SEC31A: variants seen among roughly 807,000 people sequenced by gnomAD.
The protein encoded by SEC31A is protein transport protein Sec31A.
Under a neutral mutation model 151.0 loss-of-function variants are expected in SEC31A, and 70 were observed. That is an observed-to-expected ratio of 0.46 (90% CI 0.38 to 0.57). The LOEUF (loss-of-function observed/expected upper bound fraction) is 0.57, where lower values mean the gene tolerates loss of function less well. SEC31A is among the 20% of genes least tolerant of loss of function. The pLI, the probability that SEC31A is intolerant of heterozygous loss-of-function variation, is 0.00. For missense variants in SEC31A, 1,330 were observed against 1,471.2 expected (o/e 0.90, Z 1.57); for synonymous variants, 475 against 505.9 (o/e 0.94, Z 0.82).
intron 1 of SEC31A, among the ~76,000 whole-genome samples, chr4:82,890,273 C>A (rs1386528551): frequency 1.4e-5 from 2 of 146,172 alleles, no homozygotes; most frequent in East Asian, 4.0e-4. Flanking sequence ...GTACAGAAAA[C>A]GCAGGACGCT....
At chr4:82,877,273 G>A (rs910883696) in intron 4 of SEC31A, among the ~76,000 whole-genome samples, 1 of 151,778 alleles carries the variant, frequency 6.6e-6, no homozygotes, top group African/African-American at 2.4e-5. Flanking sequence ...TTGGGTTTCT[G>A]TATTGCTATA....
chr4:82,857,385 G>A (rs1256123659), intron 15 of SEC31A, among the ~76,000 whole-genome samples: 1 of 152,170 alleles, frequency 6.6e-6, no homozygotes, highest in Non-Finnish European at 1.5e-5. Flanking sequence ...TCACCTAGGT[G>A]TCTGAACACA....
intron 1 of SEC31A, among the ~76,000 whole-genome samples, chr4:82,890,317 G>A (rs533919621): frequency 6.6e-6 from 1 of 151,512 alleles, no homozygotes; most frequent in African/African-American, 2.4e-5. Context: ...ATTAAATACA[G>A]TTATAACTGC....
chr4:82,857,750 T>C lies in SEC31A; in HGVS notation c.1641A>G (p.Glu547=), dbSNP rs1223549721. The change falls in exon 15 of 27, where the codon GAA becomes GAG. Residue 547 remains glutamate, a synonymous_variant. Transcript: ENST00000395310. ...EQLLGEHIKE[E]KEESEFLPSS... is the part of the protein sequence containing the mutation. ...AGGGTAGAAATTCAGATTCTTCTTT[T>C]TCCTCTTTAATGTGCTAAAGAGATG... is the stretch of plus-strand genomic sequence containing the variant. 1.3e-6 allele frequency: 2 copies of C among 1,599,484 alleles called. No individual in the cohort carries two copies. The highest frequency in any genetic ancestry group is 2.7e-5 in the African/African-American group (2 of 74,564).
intron 22 of SEC31A, among the ~76,000 whole-genome samples, chr4:82,831,633 T>A (rs1009221854): frequency 6.6e-6 from 1 of 152,178 alleles, no homozygotes; most frequent in Non-Finnish European, 1.5e-5. Context: ...CTTAGCACAG[T>A]GGTATCATTT....
intron 10 of SEC31A, among the ~76,000 whole-genome samples, chr4:82,866,127 G>A (rs1735326038): frequency 6.6e-6 from 1 of 151,458 alleles, no homozygotes; most frequent in African/African-American, 2.4e-5. Context: ...GGGAAAGAGA[G>A]ACAGAGGGAG....
rs898621217 is a variant in SEC31A, at chr4:82,871,703, G to A, written c.782+241C>T. Reference sequence around the variant, plus strand: ...AAAACTATAAAAATTTCCTGGCATGGTGGCTTGCGCCTGTAATCCCAGCTA... The same window carrying A: ...AAAACTATAAAAATTTCCTGGCATGATGGCTTGCGCCTGTAATCCCAGCTA... On this transcript the variant is annotated intron_variant, in intron 7 of 26. Transcript: ENST00000395310. 1.1e-5 allele frequency: 6 copies of A among 537,968 alleles called. No homozygotes were observed. The African/African-American group carries it at 1.1e-4, about 10-fold the overall frequency. 33.3% of individuals were successfully genotyped at this position (537,968 alleles called of 1,614,324 possible).
chr4:82,879,903 A>G (rs1738891389), intron 3 of SEC31A, among the ~76,000 whole-genome samples: 1 of 152,242 alleles, frequency 6.6e-6, no homozygotes, highest in African/African-American at 2.4e-5. Flanking sequence ...GTAACAGAAG[A>G]AAATAAAAAT....
In SEC31A at chr4:82,861,614, G is replaced by C; in HGVS notation, c.1626+17C>G. The C allele has an allele frequency of 1.3e-6, 2 of 1,520,718 alleles. No individual in the cohort carries two copies. The highest frequency in any genetic ancestry group is 1.8e-6 in the Non-Finnish European group (2 of 1,108,670). 94.2% of individuals were successfully genotyped at this position (1,520,718 alleles called of 1,614,324 possible). A position where few individuals can be genotyped will look rare whatever the true frequency, so the allele number is the denominator to read the frequency against. On this transcript the variant is annotated intron_variant, in intron 14 of 26. Coordinates refer to ENST00000395310, the MANE Select transcript of SEC31A (RefSeq NM_001077207.4). ...ATCACAAATTTGTCCAATATAATATGAAAAAAAAATAAGTACCTCTCCCAA... is the reference window on the plus strand; with the variant it reads ...ATCACAAATTTGTCCAATATAATATCAAAAAAAAATAAGTACCTCTCCCAA...
chr4:82,874,115 T>C (rs1560652708), intron 6 of SEC31A, among the ~76,000 whole-genome samples: 1 of 152,066 alleles, frequency 6.6e-6, no homozygotes, highest in Non-Finnish European at 1.5e-5. Flanking sequence ...CAGACCAACA[T>C]GGTGAAACCC....
Position 82,827,465 on chromosome 4 carries a change from G to T in SEC31A, c.3195C>A (p.Gly1065=). 6.2e-7 allele frequency: 1 copy of T among 1,614,204 alleles called. No individual in the cohort carries two copies. The highest frequency in any genetic ancestry group is 8.5e-7 in the Non-Finnish European group (1 of 1,180,036). The change falls in exon 24 of 27, where the codon GGC becomes GGA. Residue 1065 remains glycine (G), a synonymous_variant. Coordinates refer to ENST00000395310, the MANE Select transcript of SEC31A (RefSeq NM_001077207.4). ...CTGTTTGACCAAGAGGTTGCTGTAC[G>T]CCATGGAAGGGCTGGCCACCTGGAA... ...PHLPGGQPFH[G]VQQPLGQTGM...
chr4:82,874,831 T>C, intron 5 of SEC31A, 80 bp from the exon 6 acceptor site: 1 of 1,513,938 alleles, frequency 6.6e-7, no homozygotes, highest in Admixed American at 2.3e-5. Flanking sequence ...GATCCTTCAT[T>C]TTGAAAAGTG....
chr4:82,847,748 ACT>A (rs546483281), intron 20 of SEC31A, among the ~76,000 whole-genome samples: 244 of 152,168 alleles, frequency 1.6e-3, no homozygotes, highest in African/African-American at 5.6e-3. Context: ...GGGGGAATTT[ACT>A]CTGTTTTGTT....
At position 82,827,426 on chromosome 4, in the gene SEC31A, A is replaced by C; in HGVS notation, c.3234T>G (p.Ser1078=). The change falls in exon 24 of 27, where the codon TCT becomes TCG. Residue 1078 remains serine (S), a synonymous_variant. Coordinates refer to ENST00000395310, the MANE Select transcript of SEC31A (RefSeq NM_001077207.4). ...CACCTTCAATATTGGGCTTTGAAAA[A>C]GATGGTGGCATGCCTGTTTGACCAA... The part of the protein sequence containing the change: ...QPLGQTGMPP[S]FSKPNIEGAP... The C allele has an allele frequency of 1.2e-6, 2 of 1,614,238 alleles. No homozygotes were observed. The highest frequency in any genetic ancestry group is 1.7e-6 in the Non-Finnish European group (2 of 1,180,036).
chr4:82,888,795 T>G (rs1029005008), intron 1 of SEC31A, among the ~76,000 whole-genome samples: 10 of 152,190 alleles, frequency 6.6e-5, no homozygotes, highest in Non-Finnish European at 1.0e-4. Context: ...TTCAATTAGG[T>G]GGAAACTTTT....
At chr4:82,899,842 C>T (rs900935569) in intron 2 of SEC31A, 1 of 152,588 alleles carries the variant, frequency 6.6e-6, no homozygotes. Flanking sequence ...GTTGCAAACC[C>T]TTCTCTGTTT....
chr4:82,866,783 G>A (rs1051339526), intron 10 of SEC31A, 25 bp downstream of exon 10: 14 of 1,592,210 alleles, frequency 8.8e-6, no homozygotes, highest in Non-Finnish European at 1.0e-5. Context: ...TGTGCCTATG[G>A]ACCATAAAAA....
chr4:82,844,218 T>C, intron 21 of SEC31A, 168 bp downstream of exon 21: 1 of 638,378 alleles, frequency 1.6e-6, no homozygotes, highest in Non-Finnish European at 2.6e-6. Context: ...GCATAGTGAT[T>C]CAGGCCACCT....
intron 22 of SEC31A, among the ~76,000 whole-genome samples, chr4:82,836,708 G>A (rs925195952): frequency 6.6e-6 from 1 of 152,138 alleles, no homozygotes; most frequent in Non-Finnish European, 1.5e-5. Context: ...ACCAGAAGCT[G>A]TGGGGAACAG....
Sources: gnomAD v4.1 joint callset for allele counts (sites outside exome capture counted in the v4.1 genomes callset) on GRCh38, gnomAD v4.1.1 for gene constraint, MANE v1.5 for transcripts, NCBI Gene and HGNC (gene_info 2026-07-23, HGNC 2026-07-21) for gene names.